Variants in DTNA observed in about 807,000 individuals in gnomAD.
DTNA encodes dystrophin-related protein 3.
In DTNA, 43 loss-of-function variants were observed where a neutral mutation model predicts 100.7. The observed-to-expected ratio is 0.43, with a 90% confidence interval of 0.33 to 0.55. DTNA has a LOEUF of 0.55. Among genes scored for constraint, DTNA ranks in the 20% least tolerant of loss-of-function variants. DTNA has a pLI of 0.04. For missense variants in DTNA, 798 were observed against 953.9 expected (o/e 0.84, Z 2.15); for synonymous variants, 349 against 347.9 (o/e 1.00, Z -0.04).
chr18:34,599,674 T>A (rs188497152), intron 1 of DTNA, among the ~76,000 whole-genome samples: 3 of 152,198 alleles, frequency 2.0e-5, no homozygotes, highest in African/African-American at 7.2e-5. Flanking sequence ...TTGGTTGTCG[T>A]TGTTTTGTTT....
At chr18:34,524,547 A>G (rs538953885) in intron 1 of DTNA, among the ~76,000 whole-genome samples, 176 of 152,298 alleles carry the variant, frequency 1.2e-3, no homozygotes, top group African/African-American at 4.1e-3. Context: ...TCTGACTTCT[A>G]TTATAAATAG....
intron 1 of DTNA, among the ~76,000 whole-genome samples, chr18:34,633,123 G>A: frequency 6.6e-6 from 1 of 152,102 alleles, no homozygotes; most frequent in East Asian, 1.9e-4. Context: ...ATGAATCAAT[G>A]GTAACTATTC....
intron 1 of DTNA, among the ~76,000 whole-genome samples, chr18:34,608,060 GA>G (rs2053496982): frequency 6.6e-6 from 1 of 152,186 alleles, no homozygotes. Flanking sequence ...GGGAAGCCCA[GA>G]AGGTCTCTCC....
chr18:34,560,252 C>G (rs2046515192), intron 1 of DTNA, among the ~76,000 whole-genome samples: 1 of 152,194 alleles, frequency 6.6e-6, no homozygotes, highest in South Asian at 2.1e-4. Flanking sequence ...AGAGCAGGAA[C>G]TGTATTTTCA....
intron 3 of DTNA, among the ~76,000 whole-genome samples, chr18:34,769,725 C>CTTTTTTTTTGTTTTTTTTTTTTTTTTTTT (rs2093664789): frequency 1.9e-5 from 1 of 53,872 alleles, no homozygotes; most frequent in Non-Finnish European, 4.1e-5. Flanking sequence ...CCCTCTGGGG[C>CTTTTTTTTTGTTTTTTTTTTTTTTTTTTT]TTTTTTTTTT....
At chr18:34,667,279 C>G (rs1191030036) in intron 1 of DTNA, among the ~76,000 whole-genome samples, 1 of 152,138 alleles carries the variant, frequency 6.6e-6, no homozygotes, top group Non-Finnish European at 1.5e-5. Flanking sequence ...ATTTTGTATC[C>G]TGAGACTTTG....
chr18:34,545,547 A>G (rs1381510606), intron 1 of DTNA, among the ~76,000 whole-genome samples: 1 of 152,100 alleles, frequency 6.6e-6, no homozygotes, highest in Non-Finnish European at 1.5e-5. Context: ...TAAAAAATAG[A>G]TCTAGCAATT....
chr18:34,692,032 C>A (rs2079845620), intron 1 of DTNA, among the ~76,000 whole-genome samples: 2 of 152,224 alleles, frequency 1.3e-5, no homozygotes, highest in African/African-American at 2.4e-5. Flanking sequence ...AGCACCATAT[C>A]TTAGCTTCTC....
intron 1 of DTNA, among the ~76,000 whole-genome samples, chr18:34,689,553 A>G (rs1368482145): frequency 1.3e-5 from 2 of 152,148 alleles, no homozygotes; most frequent in African/African-American, 2.4e-5. Context: ...GATGCCAGCC[A>G]GAGCTATTCT....
chr18:34,530,623 A>G (rs1308400325), intron 1 of DTNA, among the ~76,000 whole-genome samples: 1 of 152,102 alleles, frequency 6.6e-6, no homozygotes, highest in Non-Finnish European at 1.5e-5. Context: ...TTAGTGGGGA[A>G]TTATCAAGTG....
intron 1 of DTNA, among the ~76,000 whole-genome samples, chr18:34,644,811 T>C (rs2059660147): frequency 6.6e-6 from 1 of 152,130 alleles, no homozygotes; most frequent in Non-Finnish European, 1.5e-5. Context: ...TTGAGACCTT[T>C]GCACAATGAA....
At chr18:34,578,378 CT>C (rs2146591670) in intron 1 of DTNA, among the ~76,000 whole-genome samples, 1 of 151,768 alleles carries the variant, frequency 6.6e-6, no homozygotes, top group African/African-American at 2.4e-5. Flanking sequence ...GATATTAGAC[CT>C]TTGTCAGATG....
intron 1 of DTNA, among the ~76,000 whole-genome samples, chr18:34,528,275 A>G (rs1263204831): frequency 6.6e-6 from 1 of 152,108 alleles, no homozygotes; most frequent in Non-Finnish European, 1.5e-5. Flanking sequence ...TTGGAACTGA[A>G]GAAGAGAATA....
At chr18:34,525,934 C>G (rs910224519) in intron 1 of DTNA, among the ~76,000 whole-genome samples, 4 of 152,094 alleles carry the variant, frequency 2.6e-5, no homozygotes, top group Admixed American at 2.6e-4. Flanking sequence ...GGGCTCAAGT[C>G]CCCTGTTGCC....
intron 1 of DTNA, among the ~76,000 whole-genome samples, chr18:34,712,088 G>C (rs1568285052): frequency 6.6e-6 from 1 of 151,964 alleles, no homozygotes; most frequent in African/African-American, 2.4e-5. Context: ...TATTGAAACT[G>C]ACAATATCTG....
At chr18:34,614,548 T>A (rs571961030) in intron 1 of DTNA, among the ~76,000 whole-genome samples, 5 of 152,342 alleles carry the variant, frequency 3.3e-5, no homozygotes, top group African/African-American at 9.6e-5. Flanking sequence ...AAAATATCAT[T>A]AACAGGAGTT....
Position 34,722,632 on chromosome 18 carries a change from T to C in DTNA, c.-2+12187T>C, listed in dbSNP as rs966974088. Among the ~76,000 whole-genome samples, 1,149 of 132,212 alleles carry C rather than the reference T, an allele frequency of 8.7e-3. 8 individuals carry two copies. The highest frequency in any genetic ancestry group is 0.032 in the African/African-American group (1,077 of 33,922). 86.7% of individuals were successfully genotyped at this position (132,212 alleles called of 152,430 possible). A position where few individuals can be genotyped will look rare whatever the true frequency, so the allele number is the denominator to read the frequency against. Reference sequence around the variant, plus strand: ...ACACACACACACACACACACACACATATCCTAAGCCATCTTTAGAATCAAG... The same window carrying C: ...ACACACACACACACACACACACACACATCCTAAGCCATCTTTAGAATCAAG... On this transcript the variant is annotated intron_variant, in intron 1 of 22. Transcript: ENST00000444659.
At chr18:34,743,813 C>A (rs1280786446) in intron 1 of DTNA, among the ~76,000 whole-genome samples, 4 of 152,074 alleles carry the variant, frequency 2.6e-5, no homozygotes, top group Non-Finnish European at 4.4e-5. Flanking sequence ...ACTTTGGAAC[C>A]CTGTGCTCTT....
intron 1 of DTNA, among the ~76,000 whole-genome samples, chr18:34,610,312 C>G (rs564921853): frequency 2.3e-4 from 35 of 152,222 alleles, no homozygotes; most frequent in Non-Finnish European, 4.1e-4. Context: ...TGGTGTTTCT[C>G]TCATGGAAAT....
Sources: gnomAD v4.1 joint callset for allele counts (sites outside exome capture counted in the v4.1 genomes callset) on GRCh38, gnomAD v4.1.1 for gene constraint, MANE v1.5 for transcripts, NCBI Gene and HGNC (gene_info 2026-07-23, HGNC 2026-07-21) for gene names.